APOB: variants seen among roughly 807,000 people sequenced by gnomAD.
The protein encoded by APOB is apolipoprotein B-100.
Under a neutral mutation model 314.1 loss-of-function variants are expected in APOB, and 153 were observed. The observed-to-expected ratio is 0.49, with a 90% confidence interval of 0.43 to 0.56. The LOEUF (loss-of-function observed/expected upper bound fraction) is 0.56, where lower values mean the gene tolerates loss of function less well. Ranked by LOEUF, APOB falls within the 20% of genes least tolerant of loss-of-function variation. The pLI is 0.00. For synonymous variants in APOB, 2,087 were observed against 2,036.4 expected, an observed-to-expected ratio of 1.02 and a Z score of -0.67; for missense variants, 5,430 against 5,350.7, an observed-to-expected ratio of 1.01 and a Z score of -0.46.
In APOB at chr2:21,033,413, A is replaced by G. The variant is rs148126873; in HGVS notation, c.1010T>C (p.Ile337Thr). 4 of 1,614,174 alleles carry G rather than the reference A, an allele frequency of 2.5e-6. No individual in the cohort carries two copies. The highest frequency in any genetic ancestry group is 1.1e-5 in the South Asian group (1 of 91,070). The change falls in exon 9 of 29, where the codon ATC (isoleucine) becomes ACC (threonine). Residue 337 changes from isoleucine to threonine, a missense_variant. Ile to Thr is a moderately conservative substitution (Grantham distance 89). This residue lies in a region of APOB where 2,085 missense variants were observed against 2,079.7 expected (regional missense o/e 1.00). Coordinates refer to ENST00000233242, the MANE Select transcript of APOB (RefSeq NM_000384.3). ...AGCTCTCTGGATATTTTGCTCAGAGATGGTTAGTTTTTTCAGTTCCTGGAG... is the reference window on the plus strand; with the variant it reads ...AGCTCTCTGGATATTTTGCTCAGAGGTGGTTAGTTTTTTCAGTTCCTGGAG... Reference protein sequence around the residue: ...KTLQELKKLTISEQNIQRANL... With the variant: ...KTLQELKKLTTSEQNIQRANL...
At chr2:21,034,596 T>G (rs1198291065) in intron 8 of APOB, among the ~76,000 whole-genome samples, 1 of 152,222 alleles carries the variant, frequency 6.6e-6, no homozygotes, top group Non-Finnish European at 1.5e-5. Flanking sequence ...CAGTTTTCTA[T>G]TTACAAATGC....
chr2:21,029,360 G>A (rs550998363), intron 12 of APOB, among the ~76,000 whole-genome samples: 9 of 152,242 alleles, frequency 5.9e-5, no homozygotes, highest in African/African-American at 2.2e-4. Context: ...CTGAGGCAGA[G>A]AGAATTGCTT....
rs758395391 is a variant in APOB, at chr2:21,037,304, C to G, written c.538-49G>C. On this transcript the variant is annotated intron_variant, in intron 5 of 28. Transcript: ENST00000233242. ...ACATGTATTCAACACGGGCAACATC[C>G]TTGGGTACTTGGGAGGGATGGGGTG... The G allele has an allele frequency of 6.4e-6, 10 of 1,568,542 alleles. No homozygotes were observed. The Admixed American group carries it at 8.4e-5, about 13-fold the overall frequency.
In APOB at chr2:21,002,262, T is replaced by A. The variant is rs150412734; in HGVS notation, c.13160A>T (p.Glu4387Val). ...GCCAACTATACTTGGATCAAAATAT[T>A]CTTCACGAAGGGCCATAATGTATTG... ...IHQYIMALREEYFDPSIVGWT... is the reference protein window; with the variant it reads ...IHQYIMALREVYFDPSIVGWT... The change falls in exon 29 of 29, where the codon GAA becomes GTA. Residue 4387 changes from glutamate (E) to valine (V), a missense_variant. Physicochemically the swap from Glu to Val is moderately radical, Grantham distance 121. Around this residue, in one of 3 missense-constraint regions of APOB, gnomAD observed 3,281 missense variants for 3,171.0 expected, o/e 1.03. Transcript: ENST00000233242. The A allele has an allele frequency of 1.4e-5, 23 of 1,613,882 alleles. No individual in the cohort carries two copies. The highest frequency in any genetic ancestry group is 1.9e-5 in the Non-Finnish European group (23 of 1,179,972).
chr2:21,013,627 C>G (rs1170371300), intron 24 of APOB, 94 bp from the exon 25 acceptor site: 1 of 1,564,574 alleles, frequency 6.4e-7, no homozygotes, highest in African/African-American at 1.4e-5. Flanking sequence ...TGTACTTGCC[C>G]CATTCCCAAA....
In APOB at chr2:21,032,382, A is replaced by T. The variant is rs749069546; in HGVS notation, c.1324T>A (p.Leu442Met). 2 of 1,613,910 alleles carry T rather than the reference A, an allele frequency of 1.2e-6. No homozygotes were observed. The highest frequency in any genetic ancestry group is 4.5e-5 in the East Asian group (2 of 44,886). ...TTGACCGCGTGGCTCAGCGCATACA[A>T]GGTGGCTCGGCTGCGCTGATCCCTC... ...MARDQRSRATLYALSHAVNNY... is the reference protein window; with the variant it reads ...MARDQRSRATMYALSHAVNNY... The change falls in exon 10 of 29, where the codon TTG becomes ATG. Residue 442 changes from leucine to methionine, a missense_variant. Physicochemically the swap from Leu to Met is conservative, Grantham distance 15. Transcript: ENST00000233242.
rs150130318 is a variant in APOB at position 21,019,053 on chromosome 2, A to G, written c.3060T>C (p.Tyr1020=). Residue 1020 remains tyrosine (Y), a synonymous_variant, in exon 20 of 29, where the codon TAT becomes TAC. Transcript: ENST00000233242. ...EIEQYSVSAT[Y]ELQREDRALV... is the part of the protein sequence containing the mutation. The stretch of plus-strand genomic sequence containing the variant: ...AGGCTCTGTCCTCTCTCTGGAGCTC[A>G]TAGGTTGCGCTGACAGAATACTGCT... 3 of 1,614,072 alleles carry G rather than the reference A, an allele frequency of 1.9e-6. No individual in the cohort carries two copies. The highest frequency in any genetic ancestry group is 1.1e-5 in the South Asian group (1 of 91,076).
rs12720852 is a variant in APOB at position 21,004,656 on chromosome 2, G to A, written c.11808C>T (p.Ile3936=). 4,476 of 1,613,386 alleles carry A rather than the reference G, an allele frequency of 2.8e-3. 110 individuals are homozygous for A. In the African/African-American group the frequency reaches 0.053, roughly 19 times the overall value. The stretch of plus-strand genomic sequence containing the variant: ...TCTTAGAGGCTAACGTACCATCTTC[G>A]ATTTTGTGTGTTCCCAAAACTGTAT... The part of the protein sequence containing the change: ...YELNVLGTHK[I]EDGTLASKTK... Residue 3936 remains isoleucine, a synonymous_variant, in exon 27 of 29, where the codon ATC becomes ATT. Transcript: ENST00000233242.
In APOB at chr2:21,012,000, C is replaced by A. The variant is rs753640735; in HGVS notation, c.4868G>T (p.Gly1623Val). ...SLLSGSLNSH[G>V]LELNADILGT... ...TAAGATGTCAGCATTTAACTCAAGA[C>A]CATGGGAATTTAGTGATCCAGAAAG... Residue 1623 changes from glycine (G) to valine (V), a missense_variant, in exon 26 of 29, where the codon GGT (glycine) becomes GTT (valine). Transcript: ENST00000233242. 6 of 1,614,112 alleles carry A rather than the reference C, an allele frequency of 3.7e-6. No homozygotes were observed. In the South Asian group the frequency reaches 6.6e-5, roughly 18 times the overall value.
rs201985284 is a variant in APOB at position 21,008,617 on chromosome 2, C to A, written c.8251G>T (p.Glu2751Ter). 1 of 1,613,936 alleles carries A rather than the reference C, an allele frequency of 6.2e-7. No individual in the cohort carries two copies. The highest frequency in any genetic ancestry group is 8.5e-7 in the Non-Finnish European group (1 of 1,179,934). ...TATAGCTTGCCAAAAGTAGGTACTT[C>A]AATTGTGTGTGAGATGTGGGGAAGC... ...FQLPHISHTI[E>*]VPTFGKLYSI... is the part of the protein sequence containing the mutation. Residue 2751 changes from glutamate (E) to a stop codon, truncating the protein, a stop_gained, in exon 26 of 29, where the codon GAA (glutamate) becomes TAA (stop). Coordinates refer to ENST00000233242, the MANE Select transcript of APOB (RefSeq NM_000384.3). LOFTEE classifies it high-confidence loss of function.
In APOB at chr2:21,005,091, T is replaced by C. The variant is rs754314876; in HGVS notation, c.11777A>G (p.Tyr3926Cys). Residue 3926 changes from tyrosine (Y) to cysteine (C), a missense_variant, in exon 26 of 29, where the codon TAT becomes TGT. Around this residue, in one of 3 missense-constraint regions of APOB, gnomAD observed 3,281 missense variants for 3,171.0 expected, o/e 1.03. Transcript: ENST00000233242. ...AGGATATTTCTTACCATTTAGTTCA[T>C]ATTCTAGGAACTGTACGGTTGAGCT... ...TCSSTVQFLE[Y>C]ELNVLGTHKI... The C allele has an allele frequency of 4.3e-6, 7 of 1,613,836 alleles. No homozygotes were observed. Among genetic ancestry groups the C allele is most frequent in the Admixed American group, 3.3e-5 (2 of 59,998 alleles).
In APOB at chr2:21,006,275, C is replaced by T; in HGVS notation, c.10593G>A (p.Lys3531=). 6.2e-7 allele frequency: 1 copy of T among 1,614,058 alleles called. No homozygotes were observed. The highest frequency in any genetic ancestry group is 8.5e-7 in the Non-Finnish European group (1 of 1,179,982). The change falls in exon 26 of 29, where the codon AAG becomes AAA. Residue 3531 remains lysine (K), a synonymous_variant. Coordinates refer to ENST00000233242, the MANE Select transcript of APOB (RefSeq NM_000384.3). ...CATCAATTTTGGAAGTGCCCTGCAG[C>T]TTCACTGAAGACCGTGTGCTCTTGG... ...LNSKSTRSSV[K]LQGTSKIDDI... is the part of the protein sequence containing the mutation.
chr2:21,042,794 A>G (rs1488616322), intron 2 of APOB, among the ~76,000 whole-genome samples: 1 of 151,974 alleles, frequency 6.6e-6, no homozygotes, highest in African/African-American at 2.4e-5. Context: ...AGATGACAAC[A>G]TTACGCAAAT....
chr2:21,038,951 A>C (rs1355037967), intron 4 of APOB, among the ~76,000 whole-genome samples: 1 of 152,238 alleles, frequency 6.6e-6, no homozygotes, highest in Non-Finnish European at 1.5e-5. Context: ...CATGCAGAAC[A>C]TTCCATTCCA....
At chr2:21,023,911 A>G in intron 16 of APOB, 1 of 431,872 alleles carries the variant, frequency 2.3e-6, no homozygotes. Flanking sequence ...GATAGATATC[A>G]TGTCATTTTC....
At position 21,006,358 on chromosome 2, in the gene APOB, C is replaced by T. The variant is rs138158833; in HGVS notation, c.10510G>A (p.Val3504Ile). Residue 3504 changes from valine to isoleucine, a missense_variant, in exon 26 of 29, where the codon GTT (valine) becomes ATT (isoleucine). By Grantham distance (29) the Val-to-Ile change is conservative. Coordinates refer to ENST00000233242, the MANE Select transcript of APOB (RefSeq NM_000384.3). ...SSTKGDVKGSVLSREYSGTIA... is the reference protein window; with the variant it reads ...SSTKGDVKGSILSREYSGTIA... Reference sequence around the variant, plus strand: ...GTTCCTGAATATTCCCGAGAAAGAACCGAACCCTTGACATCTCCTTTGGTA... The same window carrying T: ...GTTCCTGAATATTCCCGAGAAAGAATCGAACCCTTGACATCTCCTTTGGTA... 1 of 1,614,002 alleles carries T rather than the reference C, an allele frequency of 6.2e-7. No homozygotes were observed. Among genetic ancestry groups the T allele is most frequent in the South Asian group, 1.1e-5 (1 of 91,058 alleles).
At chr2:21,030,263 A>G (rs1324239084) in intron 10 of APOB, among the ~76,000 whole-genome samples, 1 of 152,230 alleles carries the variant, frequency 6.6e-6, no homozygotes, top group Non-Finnish European at 1.5e-5. Context: ...CACATAGATC[A>G]ATGGAACAGA....
Position 21,007,235 on chromosome 2 carries a change from G to T in APOB, c.9633C>A (p.Asn3211Lys), listed in dbSNP as rs748318755. Residue 3211 changes from asparagine (N) to lysine (K), a missense_variant, in exon 26 of 29, where the codon AAC becomes AAA. This residue lies in a region of APOB where 3,281 missense variants were observed against 3,171.0 expected (regional missense o/e 1.03). Transcript: ENST00000233242. Reference protein sequence around the residue: ...IKSFDRHFEKNRNNALDFVTK... With the variant: ...IKSFDRHFEKKRNNALDFVTK... ...TGACAAAATCTAATGCATTGTTTCTGTTTTTTTCAAAATGCCTGTCAAAGG... is the reference window on the plus strand; with the variant it reads ...TGACAAAATCTAATGCATTGTTTCTTTTTTTTTCAAAATGCCTGTCAAAGG... 6.9e-5 allele frequency: 111 copies of T among 1,613,024 alleles called. No individual in the cohort carries two copies. The highest frequency in any genetic ancestry group is 9.2e-5 in the Non-Finnish European group (108 of 1,179,548).
rs1325217747 is a variant in APOB at position 21,035,670 on chromosome 2, G to A, written c.732C>T (p.Ser244=). ...TCTTAGCGTCCAGTGTGTACTGACAGGACTGGCTGCTGCTGATCAGAGTTG... is the reference window on the plus strand; with the variant it reads ...TCTTAGCGTCCAGTGTGTACTGACAAGACTGGCTGCTGCTGATCAGAGTTG... ...PLSTLISSSQ[S]CQYTLDAKRK... Residue 244 remains serine, a synonymous_variant, in exon 7 of 29, where the codon TCC becomes TCT. Coordinates refer to ENST00000233242, the MANE Select transcript of APOB (RefSeq NM_000384.3). 7 of 1,614,080 alleles carry A rather than the reference G, an allele frequency of 4.3e-6. No homozygotes were observed. The highest frequency in any genetic ancestry group is 5.1e-6 in the Non-Finnish European group (6 of 1,180,010).
Sources: gnomAD v4.1 joint callset for allele counts (sites outside exome capture counted in the v4.1 genomes callset) on GRCh38, gnomAD v4.1.1 for gene constraint, gnomAD v4.1.1 regional missense constraint, MANE v1.5 for transcripts, NCBI Gene and HGNC (gene_info 2026-07-23, HGNC 2026-07-21) for gene names.